Variants in LARS2 observed in about 807,000 individuals in gnomAD.
LARS2 encodes leucyl-tRNA synthetase 2, mitochondrial.
A neutral mutation model predicts 116.6 loss-of-function variants in LARS2; 81 were observed. The ratio of observed to expected loss-of-function variants is 0.69; its 90% CI spans 0.58 to 0.84. The LOEUF (loss-of-function observed/expected upper bound fraction) is 0.84, where lower values mean the gene tolerates loss of function less well. Among genes scored for constraint, LARS2 ranks in the 40% least tolerant of loss-of-function variants. The pLI is 0.00. For missense variants in LARS2, 968 were observed against 1,114.5 expected (o/e 0.87, Z 1.87); for synonymous variants, 396 against 407.2 (o/e 0.97, Z 0.33).
At chr3:45,400,586 T>A (rs903056424) in intron 4 of LARS2, among the ~76,000 whole-genome samples, 2 of 152,160 alleles carry the variant, frequency 1.3e-5, no homozygotes, top group Non-Finnish European at 1.5e-5. Context: ...ATGAGTTGGG[T>A]GTTGTGCTGG....
chr3:45,532,983 T>G (rs1001754179), intron 20 of LARS2, among the ~76,000 whole-genome samples: 12 of 152,002 alleles, frequency 7.9e-5, no homozygotes, highest in African/African-American at 2.7e-4. Flanking sequence ...GGACAAGATC[T>G]TAACTTGTTC....
At chr3:45,393,303 G>A (rs1433109394) in intron 2 of LARS2, among the ~76,000 whole-genome samples, 2 of 152,112 alleles carry the variant, frequency 1.3e-5, no homozygotes, top group Non-Finnish European at 2.9e-5. Flanking sequence ...TGGGCCAGGT[G>A]TGGTGGCTCA....
At chr3:45,444,673 A>AAC (rs1180894359) in intron 6 of LARS2, among the ~76,000 whole-genome samples, 2 of 150,122 alleles carry the variant, frequency 1.3e-5, no homozygotes, top group African/African-American at 2.4e-5. Flanking sequence ...CAAAAAAAAA[A>AAC]AAAAAAAAAA....
intron 18 of LARS2, among the ~76,000 whole-genome samples, chr3:45,520,009 A>G (rs1484600353): frequency 6.6e-6 from 1 of 152,206 alleles, no homozygotes; most frequent in Admixed American, 6.5e-5. Context: ...TATGTGGAAG[A>G]ATAGTCTTAA....
At position 45,541,889 on chromosome 3, in the gene LARS2, T is replaced by G. The variant is rs777601875; in HGVS notation, c.2465T>G (p.Leu822Arg). 2.5e-6 allele frequency: 4 copies of G among 1,614,094 alleles called. No homozygotes were observed. The highest frequency in any genetic ancestry group is 3.4e-6 in the Non-Finnish European group (4 of 1,180,040). The change falls in exon 21 of 22, where the codon CTC (leucine) becomes CGC (arginine). Residue 822 changes from leucine to arginine, a missense_variant. Coordinates refer to ENST00000645846, the MANE Select transcript of LARS2 (RefSeq NM_015340.4). ...AHYTWDASVL[L>R]QAWPAVDPEF... ...TACACTTGGGATGCCAGTGTGCTGCTCCAGGCATGGCCTGCTGTGGACCCG... is the reference window on the plus strand; with the variant it reads ...TACACTTGGGATGCCAGTGTGCTGCGCCAGGCATGGCCTGCTGTGGACCCG...
chr3:45,520,358 C>T (rs530159217), intron 19 of LARS2, 62 bp downstream of exon 19: 53 of 1,209,730 alleles, frequency 4.4e-5, no homozygotes, highest in Non-Finnish European at 6.1e-5. Flanking sequence ...GGCAAGGGGC[C>T]CCACAGGGTC....
Position 45,466,530 on chromosome 3 carries a change from G to A in LARS2, c.750+7644G>A, listed in dbSNP as rs370342239. On this transcript the variant is annotated intron_variant, in intron 8 of 21. Transcript: ENST00000645846. ...TTAAAATAAATGAATAAGGTGTTGC[G>A]TTATTTTGAGCGGCCCACATCATGT... Among the ~76,000 whole-genome samples the A allele has an allele frequency of 7.9e-5, 12 of 152,244 alleles. No individual in the cohort carries two copies. The South Asian group carries it at 1.0e-3, about 13-fold the overall frequency.
chr3:45,533,979 C>T (rs1700661690), intron 20 of LARS2, among the ~76,000 whole-genome samples: 1 of 152,192 alleles, frequency 6.6e-6, no homozygotes, highest in Admixed American at 6.5e-5. Context: ...ATTCCATAAA[C>T]ATTTATTGAG....
At chr3:45,430,518 G>A (rs755536537) in intron 6 of LARS2, among the ~76,000 whole-genome samples, 1 of 149,648 alleles carries the variant, frequency 6.7e-6, no homozygotes, top group African/African-American at 2.5e-5. Flanking sequence ...CTGACCTCGT[G>A]ATCTGCCCGC....
chr3:45,505,310 A>T (rs993954876), intron 15 of LARS2, among the ~76,000 whole-genome samples: 1 of 151,958 alleles, frequency 6.6e-6, no homozygotes, highest in African/African-American at 2.4e-5. Flanking sequence ...TGTTTCTAAA[A>T]CAAAACAAGA....
At chr3:45,475,275 C>T (rs190712604) in intron 9 of LARS2, among the ~76,000 whole-genome samples, 1 of 152,308 alleles carries the variant, frequency 6.6e-6, no homozygotes, top group Admixed American at 6.5e-5. Context: ...TGCCACTCAG[C>T]TTATAATTCC....
At chr3:45,462,746 T>C (rs145557735) in intron 8 of LARS2, among the ~76,000 whole-genome samples, 22 of 152,318 alleles carry the variant, frequency 1.4e-4, no homozygotes, top group African/African-American at 5.3e-4. Context: ...GCCTCTGTGA[T>C]GTATGACTGT....
intron 6 of LARS2, among the ~76,000 whole-genome samples, chr3:45,420,196 C>A (rs1198590811): frequency 6.6e-6 from 1 of 152,206 alleles, no homozygotes; most frequent in Non-Finnish European, 1.5e-5. Context: ...CACTTTCAAA[C>A]TGTACATTAA....
In LARS2 at chr3:45,491,782, T is replaced by C. The variant is rs924018417; in HGVS notation, c.1505T>C (p.Val502Ala). 2 of 1,613,940 alleles carry C rather than the reference T, an allele frequency of 1.2e-6. No individual in the cohort carries two copies. The highest frequency in any genetic ancestry group is 1.3e-5 in the African/African-American group (1 of 75,042). ...CCACTGGCCATGGCTTCAGAGTGGG[T>C]GAACTGCTCCTGCCCAAGGTAAGGA... ...GPPLAMASEWVNCSCPRCKGA... is the reference protein window; with the variant it reads ...GPPLAMASEWANCSCPRCKGA... The change falls in exon 13 of 22, where the codon GTG becomes GCG. Residue 502 changes from valine (V) to alanine (A), a missense_variant. Coordinates refer to ENST00000645846, the MANE Select transcript of LARS2 (RefSeq NM_015340.4).
chr3:45,478,590 C>A (rs1016204364), intron 10 of LARS2, among the ~76,000 whole-genome samples: 1 of 152,196 alleles, frequency 6.6e-6, no homozygotes, highest in African/African-American at 2.4e-5. Flanking sequence ...CTGGCCTAGT[C>A]ATTTCATTTT....
chr3:45,402,837 G>T (rs1011213010), intron 4 of LARS2, among the ~76,000 whole-genome samples: 8 of 152,102 alleles, frequency 5.3e-5, no homozygotes, highest in Middle Eastern at 3.4e-3. Flanking sequence ...CAGGCATGGT[G>T]GCTCATGCCT....
At chr3:45,410,276 A>G (rs905882050) in intron 4 of LARS2, among the ~76,000 whole-genome samples, 4 of 151,144 alleles carry the variant, frequency 2.6e-5, no homozygotes, top group Admixed American at 6.6e-5. Context: ...AGAACTTTCT[A>G]GTAATACTGC....
At chr3:45,508,188 C>T (rs1009880069) in intron 15 of LARS2, among the ~76,000 whole-genome samples, 1 of 152,064 alleles carries the variant, frequency 6.6e-6, no homozygotes, top group Non-Finnish European at 1.5e-5. Flanking sequence ...AAAGTGGTGG[C>T]TGTCAGAAGC....
intron 8 of LARS2, among the ~76,000 whole-genome samples, chr3:45,473,921 G>A (rs1699569863): frequency 6.6e-6 from 1 of 152,066 alleles, no homozygotes; most frequent in South Asian, 2.1e-4. Flanking sequence ...TTAGTTCCTA[G>A]ACTATGGGAG....
Sources: gnomAD v4.1 joint callset for allele counts (sites outside exome capture counted in the v4.1 genomes callset) on GRCh38, gnomAD v4.1.1 for gene constraint, MANE v1.5 for transcripts, NCBI Gene and HGNC (gene_info 2026-07-23, HGNC 2026-07-21) for gene names.